Variants in WHRN observed in about 807,000 individuals in gnomAD.
WHRN encodes whirlin.
WHRN carries 41 observed loss-of-function variants against 68.3 expected under a neutral mutation model. The ratio of observed to expected loss-of-function variants is 0.60; its 90% confidence interval spans 0.47 to 0.78. The LOEUF (loss-of-function observed/expected upper bound fraction) is 0.78, where lower values mean the gene tolerates loss of function less well. Ranked by LOEUF, WHRN falls within the 30% of genes least tolerant of loss-of-function variation. WHRN has a pLI of 0.00. For missense variants in WHRN, 1,243 were observed against 1,244.7 expected (o/e 1.00, Z 0.02); for synonymous variants, 560 against 561.3 (o/e 1.00, Z 0.03).
intron 1 of WHRN, among the ~76,000 whole-genome samples, chr9:114,494,246 T>A (rs1272044138): frequency 6.6e-6 from 1 of 152,212 alleles, no homozygotes; most frequent in East Asian, 1.9e-4. Flanking sequence ...TTTTGTACCT[T>A]CTACACTGCC....
intron 3 of WHRN, among the ~76,000 whole-genome samples, chr9:114,431,875 C>T (rs1837454516): frequency 6.6e-6 from 1 of 152,158 alleles, no homozygotes; most frequent in African/African-American, 2.4e-5. Flanking sequence ...CAGAGCAAGG[C>T]AACAGCAAAG....
chr9:114,448,554 A>G (rs1405885962), intron 3 of WHRN, among the ~76,000 whole-genome samples: 1 of 152,168 alleles, frequency 6.6e-6, no homozygotes, highest in East Asian at 1.9e-4. Context: ...AGCCCAGCTG[A>G]GGGATACTCT....
At chr9:114,405,230 C>A (rs948526806) in intron 9 of WHRN, among the ~76,000 whole-genome samples, 1 of 151,990 alleles carries the variant, frequency 6.6e-6, no homozygotes, top group East Asian at 1.9e-4. Flanking sequence ...GCCCACCACA[C>A]CTGGCTAATT....
chr9:114,414,424 G>A (rs1835667572), intron 7 of WHRN, among the ~76,000 whole-genome samples: 1 of 152,174 alleles, frequency 6.6e-6, no homozygotes, highest in Non-Finnish European at 1.5e-5. Context: ...ATTCTAAGAA[G>A]GGGTCCCAGC....
At position 114,505,121 on chromosome 9, in the gene WHRN, C is replaced by T; in HGVS notation, c.-320G>A. The T allele has an allele frequency of 3.2e-6, 1 of 308,008 alleles. No homozygotes were observed. Among genetic ancestry groups the T allele is most frequent in the East Asian group, 6.1e-5 (1 of 16,310 alleles). 19.1% of individuals were successfully genotyped at this position (308,008 alleles called of 1,614,324 possible). A position where few individuals can be genotyped will look rare whatever the true frequency, so the allele number is the denominator to read the frequency against. On this transcript the variant is annotated 5_prime_UTR_variant, in exon 1 of 12. Coordinates refer to ENST00000362057, the MANE Select transcript of WHRN (RefSeq NM_015404.4). The stretch of plus-strand genomic sequence containing the variant: ...GACTGCTGCTGGAGTCCGGGGGGCG[C>T]GGGGTCAGCAGCTACATTCTGGAGG...
At chr9:114,500,230 A>G (rs950405909) in intron 1 of WHRN, among the ~76,000 whole-genome samples, 2 of 152,218 alleles carry the variant, frequency 1.3e-5, no homozygotes, top group Non-Finnish European at 2.9e-5. Context: ...CACAGGACCC[A>G]AGAGTGAAAA....
chr9:114,432,131 G>A (rs1265612726), intron 3 of WHRN, among the ~76,000 whole-genome samples: 1 of 152,188 alleles, frequency 6.6e-6, no homozygotes, highest in Admixed American at 6.5e-5. Flanking sequence ...GTGGACCATG[G>A]AATGCCCTTC....
intron 2 of WHRN, among the ~76,000 whole-genome samples, chr9:114,468,935 T>C (rs1840951387): frequency 6.6e-6 from 1 of 152,116 alleles, no homozygotes; most frequent in Non-Finnish European, 1.5e-5. Context: ...GGAAACCACA[T>C]GGTGGTTAAT....
intron 9 of WHRN, among the ~76,000 whole-genome samples, chr9:114,404,606 T>C (rs1312394646): frequency 6.6e-6 from 1 of 151,918 alleles, no homozygotes; most frequent in East Asian, 2.0e-4. Flanking sequence ...CTTCACTATG[T>C]GTGTAACAGC....
At chr9:114,502,909 G>C (rs1344265375) in intron 1 of WHRN, among the ~76,000 whole-genome samples, 1 of 152,186 alleles carries the variant, frequency 6.6e-6, no homozygotes, top group Non-Finnish European at 1.5e-5. Context: ...AGGGGGAAGA[G>C]GAATTGTTGC....
At chr9:114,501,593 C>T (rs1390330032) in intron 1 of WHRN, among the ~76,000 whole-genome samples, 1 of 150,554 alleles carries the variant, frequency 6.6e-6, no homozygotes, top group Non-Finnish European at 1.5e-5. Context: ...CACACTGAAT[C>T]TCTCCGTTTG....
At chr9:114,435,034 T>C (rs1342794235) in intron 3 of WHRN, among the ~76,000 whole-genome samples, 2 of 152,138 alleles carry the variant, frequency 1.3e-5, no homozygotes, top group African/African-American at 4.8e-5. Flanking sequence ...CCTTCATTCC[T>C]CACCTGGATA....
At chr9:114,408,318 C>A (rs377552180) in intron 7 of WHRN, among the ~76,000 whole-genome samples, 1 of 152,174 alleles carries the variant, frequency 6.6e-6, no homozygotes, top group Admixed American at 6.5e-5. Flanking sequence ...GGTTTGGCCA[C>A]GAGCGCTGTG....
At chr9:114,444,731 C>CT (rs553155882) in intron 3 of WHRN, among the ~76,000 whole-genome samples, 2 of 151,722 alleles carry the variant, frequency 1.3e-5, no homozygotes, top group Non-Finnish European at 2.9e-5. Flanking sequence ...CTGTAACTTG[C>CT]TTTTTTTCAC....
At chr9:114,429,578 TC>T (rs978261138) in intron 3 of WHRN, among the ~76,000 whole-genome samples, 4 of 152,154 alleles carry the variant, frequency 2.6e-5, no homozygotes, top group Admixed American at 6.5e-5. Context: ...GTCTCTGAGC[TC>T]CCCGGTTGAG....
chr9:114,446,709 A>G (rs1377154198), intron 3 of WHRN, among the ~76,000 whole-genome samples: 1 of 152,162 alleles, frequency 6.6e-6, no homozygotes, highest in Non-Finnish European at 1.5e-5. Flanking sequence ...AGTGCAGAGC[A>G]CCACTCAGTT....
chr9:114,483,420 T>C (rs1426475355), intron 1 of WHRN, among the ~76,000 whole-genome samples: 5 of 152,218 alleles, frequency 3.3e-5, no homozygotes, highest in African/African-American at 9.7e-5. Context: ...TGCTTGCTTA[T>C]TTTAACGGGC....
chr9:114,461,115 G>T (rs1231983034), intron 3 of WHRN, among the ~76,000 whole-genome samples: 1 of 152,224 alleles, frequency 6.6e-6, no homozygotes, highest in Non-Finnish European at 1.5e-5. Flanking sequence ...GCCTTTGATT[G>T]CCTGCAACTG....
chr9:114,423,404 C>T lies in WHRN; in HGVS notation c.1536G>A (p.Gly512=). 6.2e-7 allele frequency: 1 copy of T among 1,614,038 alleles called. No homozygotes were observed. Among genetic ancestry groups the T allele is most frequent in the Non-Finnish European group, 8.5e-7 (1 of 1,179,984 alleles). ...SMKARQPPGP[G]AGDTYSMVSY... ...AGACCATGGAGTAGGTGTCCCCAGC[C>T]CCGGGGCCTGGGGGCTGCCGCGCCT... is the stretch of plus-strand genomic sequence containing the variant. Residue 512 remains glycine (G), a synonymous_variant, in exon 7 of 12, where the codon GGG becomes GGA. Coordinates refer to ENST00000362057, the MANE Select transcript of WHRN (RefSeq NM_015404.4).
Sources: gnomAD v4.1 joint callset for allele counts (sites outside exome capture counted in the v4.1 genomes callset) on GRCh38, gnomAD v4.1.1 for gene constraint, MANE v1.5 for transcripts, NCBI Gene and HGNC (gene_info 2026-07-23, HGNC 2026-07-21) for gene names.